Variants in PTPRG observed in about 807,000 individuals in gnomAD.
The protein encoded by PTPRG is protein tyrosine phosphatase receptor type G.
Under a neutral mutation model 165.3 loss-of-function variants are expected in PTPRG, and 102 were observed. The ratio of observed to expected loss-of-function variants is 0.62; its 90% confidence interval spans 0.53 to 0.73. The LOEUF (loss-of-function observed/expected upper bound fraction) is 0.73, where lower values mean the gene tolerates loss of function less well. PTPRG is among the 30% of genes least tolerant of loss of function. The pLI is 0.00. For missense variants in PTPRG, 1,866 were observed against 1,861.4 expected, an observed-to-expected ratio of 1.00 and a Z score of -0.05; for synonymous variants, 675 against 669.5, an observed-to-expected ratio of 1.01 and a Z score of -0.13.
chr3:61,649,205 A>G (rs746660170), intron 1 of PTPRG, among the ~76,000 whole-genome samples: 1 of 146,278 alleles, frequency 6.8e-6, no homozygotes. Context: ...TTCTTTTAAG[A>G]GATGAGGTCT....
chr3:62,045,175 C>G (rs9311834), intron 4 of PTPRG, among the ~76,000 whole-genome samples: 1 of 152,038 alleles, frequency 6.6e-6, no homozygotes, highest in African/African-American at 2.4e-5. Context: ...TGATGCAAAC[C>G]GTCTTAGGTT....
chr3:61,710,140 G>A (rs538685510), intron 1 of PTPRG, among the ~76,000 whole-genome samples: 1 of 152,256 alleles, frequency 6.6e-6, no homozygotes, highest in South Asian at 2.1e-4. Context: ...CACTAAGCAC[G>A]GAAAACTTTT....
At position 62,273,184 on chromosome 3, in the gene PTPRG, A is replaced by G; in HGVS notation, c.3318+103A>G. On this transcript the variant is annotated intron_variant, in intron 22 of 29. Coordinates refer to ENST00000474889, the MANE Select transcript of PTPRG (RefSeq NM_002841.4). The surrounding 1 kb of genome is among the most constrained non-coding windows in gnomAD (Gnocchi z 4.1). ...ACAGATTCATTCTTTTAGGGCTTGC[A>G]GTAATTTACAGGTTTGTATTAGAAG... 7.9e-7 allele frequency: 1 copy of G among 1,262,846 alleles called. No individual in the cohort carries two copies. The highest frequency in any genetic ancestry group is 1.1e-6 in the Non-Finnish European group (1 of 934,552). The allele number at this position is 1,262,846 out of a possible 1,614,324, so 78.2% of individuals were successfully genotyped here. A position where few individuals can be genotyped will look rare whatever the true frequency, so the allele number is the denominator to read the frequency against.
At chr3:62,076,402 T>C (rs144481280) in intron 4 of PTPRG, among the ~76,000 whole-genome samples, 1 of 152,326 alleles carries the variant, frequency 6.6e-6, no homozygotes, top group African/African-American at 2.4e-5. Context: ...AGCCTCACAA[T>C]TAGCCCAGTA....
chr3:61,653,640 T>C (rs770847795), intron 1 of PTPRG, among the ~76,000 whole-genome samples: 4 of 152,138 alleles, frequency 2.6e-5, no homozygotes, highest in Non-Finnish European at 5.9e-5. Flanking sequence ...ATTGCATATG[T>C]CTTTGTTTTG....
intron 2 of PTPRG, among the ~76,000 whole-genome samples, chr3:61,794,046 G>C (rs1434290071): frequency 1.3e-5 from 2 of 152,166 alleles, no homozygotes; most frequent in Non-Finnish European, 2.9e-5. Context: ...TGGAGTATCT[G>C]CTTAGTGTTG....
chr3:61,812,124 A>T (rs1244845634), intron 2 of PTPRG, among the ~76,000 whole-genome samples: 1 of 152,154 alleles, frequency 6.6e-6, no homozygotes, highest in Non-Finnish European at 1.5e-5. Flanking sequence ...GGATGAAGAG[A>T]TGCTTGTACC....
At chr3:61,967,847 G>T (rs2040304018) in intron 2 of PTPRG, among the ~76,000 whole-genome samples, 1 of 152,166 alleles carries the variant, frequency 6.6e-6, no homozygotes, top group African/African-American at 2.4e-5. Context: ...ACAAAAGCTT[G>T]TGTGTGCGTT....
chr3:62,112,733 A>G (rs9816598), intron 5 of PTPRG, among the ~76,000 whole-genome samples: 17,004 of 152,246 alleles, frequency 0.11, 1,006 homozygotes, highest in Middle Eastern at 0.13. Context: ...AGAGATCACA[A>G]CTGATATCAG....
intron 27 of PTPRG, 115 bp from the exon 28 acceptor site, chr3:62,282,612 A>G (rs1295785644): frequency 1.1e-5 from 11 of 1,039,630 alleles, no homozygotes; most frequent in African/African-American, 8.3e-5. Flanking sequence ...TGGTTAACAC[A>G]ACATTGTTGA....
intron 4 of PTPRG, among the ~76,000 whole-genome samples, chr3:62,074,775 A>G (rs1335835757): frequency 6.6e-6 from 1 of 152,166 alleles, no homozygotes; most frequent in East Asian, 1.9e-4. Context: ...TCTGGGATCT[A>G]GAGCCCAGAA....
At chr3:62,225,446 G>C (rs1441096493) in intron 13 of PTPRG, among the ~76,000 whole-genome samples, 3 of 152,064 alleles carry the variant, frequency 2.0e-5, no homozygotes, top group African/African-American at 7.2e-5. Flanking sequence ...TTGTGCTGTA[G>C]AATAGCATAG....
intron 1 of PTPRG, among the ~76,000 whole-genome samples, chr3:61,615,610 A>T (rs922825704): frequency 1.3e-5 from 2 of 152,108 alleles, no homozygotes; most frequent in African/African-American, 4.8e-5. Context: ...GTACTTTGAG[A>T]CTGCTTTCCA....
At chr3:61,965,612 CTCAT>C (rs141104812) in intron 2 of PTPRG, among the ~76,000 whole-genome samples, 219 of 151,836 alleles carry the variant, frequency 1.4e-3, no homozygotes, top group Non-Finnish European at 2.4e-3. Context: ...TTTGGGTATG[CTCAT>C]TCATTCATTC....
chr3:62,098,960 G>GTA (rs1269534626), intron 5 of PTPRG, among the ~76,000 whole-genome samples: 1 of 152,178 alleles, frequency 6.6e-6, no homozygotes, highest in Non-Finnish European at 1.5e-5. Context: ...AAGGCATATC[G>GTA]TAGTGCCACT....
intron 14 of PTPRG, among the ~76,000 whole-genome samples, chr3:62,231,787 T>TCCATACTCACATA (rs1318267685): frequency 6.6e-6 from 1 of 151,856 alleles, no homozygotes; most frequent in African/African-American, 2.4e-5. Context: ...CAAACATGGA[T>TCCATACTCACATA]GTACTATGTG....
At chr3:62,133,661 C>T (rs1189148736) in intron 6 of PTPRG, among the ~76,000 whole-genome samples, 1 of 152,156 alleles carries the variant, frequency 6.6e-6, no homozygotes, top group Non-Finnish European at 1.5e-5. Flanking sequence ...AATAGGGTTA[C>T]TGAAAACACC....
chr3:62,191,228 ATC>A (rs1391371096), intron 8 of PTPRG, among the ~76,000 whole-genome samples: 1 of 150,874 alleles, frequency 6.6e-6, no homozygotes, highest in Non-Finnish European at 1.5e-5. Context: ...GTGTGTGTGC[ATC>A]TGTGTCCCTT....
At chr3:61,590,221 C>CCAA (rs59197171) in intron 1 of PTPRG, among the ~76,000 whole-genome samples, 3 of 142,550 alleles carry the variant, frequency 2.1e-5, no homozygotes, top group Non-Finnish European at 4.6e-5. Context: ...TTTCTTTAAT[C>CCAA]AAAAAAAAAA....
Sources: allele counts gnomAD v4.1 joint callset (sites outside exome capture counted in the v4.1 genomes callset), GRCh38; gene constraint gnomAD v4.1.1; non-coding constraint Gnocchi (gnomAD v3.1); transcripts MANE v1.5; gene names NCBI Gene and HGNC (gene_info 2026-07-23, HGNC 2026-07-21).